Variants in BPIFB1 observed in about 807,000 individuals in gnomAD.
BPIFB1 encodes the protein BPI fold-containing family B member 1.
Under a neutral mutation model 55.1 loss-of-function variants are expected in BPIFB1, and 34 were observed. The observed-to-expected ratio is 0.62, with a 90% CI of 0.47 to 0.82. The LOEUF is 0.82. BPIFB1 is among the 40% of genes least tolerant of loss of function. BPIFB1 has a pLI of 0.00. For missense variants in BPIFB1, 532 were observed against 593.1 expected, an observed-to-expected ratio of 0.90 and a Z score of 1.07; for synonymous variants, 236 against 245.3, an observed-to-expected ratio of 0.96 and a Z score of 0.35.
intron 4 of BPIFB1, 28 bp downstream of exon 4, chr20:33,290,020 A>AG: frequency 4.6e-6 from 7 of 1,532,448 alleles, no homozygotes; most frequent in Non-Finnish European, 5.4e-6. Flanking sequence ...CAAGTACAGT[A>AG]GGCTTGACAG....
At position 33,308,691 on chromosome 20, in the gene BPIFB1, TACAC is replaced by T. The variant is rs34496861; in HGVS notation, c.1396-1008_1396-1005del. On this transcript the variant is annotated intron_variant, in intron 15 of 15. Coordinates refer to ENST00000253354, the MANE Select transcript of BPIFB1 (RefSeq NM_033197.3). ...ACACATACACCTTTATACACATACATACACACACACACCTTTATACACCTATACA... is the reference window on the plus strand; with the variant it reads ...ACACATACACCTTTATACACATACATACACACACCTTTATACACCTATACA... 2.1e-4 allele frequency among the ~76,000 whole-genome samples: 30 copies of T among 144,862 alleles called. 1 individual carries two copies. Among genetic ancestry groups the T allele is most frequent in the African/African-American group, 6.4e-4 (24 of 37,500 alleles).
At chr20:33,299,245 G>A (rs1443423241) in intron 7 of BPIFB1, 2 of 449,648 alleles carry the variant, frequency 4.4e-6, no homozygotes, top group East Asian at 7.0e-5. Flanking sequence ...GCCGGTCCCT[G>A]GCCCTCCAGC....
chr20:33,305,316 CTTTTT>C (rs34490442), intron 13 of BPIFB1, among the ~76,000 whole-genome samples: 2 of 106,204 alleles, frequency 1.9e-5, no homozygotes, highest in Admixed American at 1.1e-4. Context: ...CTATTTTTGA[CTTTTT>C]TTTTTTTTTT....
At chr20:33,292,319 C>T (rs1980500745) in intron 6 of BPIFB1, among the ~76,000 whole-genome samples, 1 of 152,172 alleles carries the variant, frequency 6.6e-6, no homozygotes, top group South Asian at 2.1e-4. Context: ...ATACTCCCTT[C>T]AGGGCCAATT....
intron 3 of BPIFB1, 148 bp from the exon 4 acceptor site, chr20:33,289,737 G>T: frequency 1.5e-6 from 1 of 678,008 alleles, no homozygotes. Flanking sequence ...AGGGATGGAG[G>T]CAAGACCATC....
chr20:33,287,749 T>G (rs189336863), intron 2 of BPIFB1, among the ~76,000 whole-genome samples: 2 of 152,242 alleles, frequency 1.3e-5, no homozygotes, highest in East Asian at 3.9e-4. Flanking sequence ...GGGCTGCTGT[T>G]AACTCACGGG....
intron 3 of BPIFB1, among the ~76,000 whole-genome samples, 171 bp downstream of exon 3, chr20:33,289,053 C>T (rs1370641983): frequency 6.6e-6 from 1 of 152,140 alleles, no homozygotes; most frequent in African/African-American, 2.4e-5. Context: ...TAACAAGAAC[C>T]ATAAGACAGT....
rs61737874 is a variant in BPIFB1 at position 33,291,016 on chromosome 20, G to T, written c.425G>T (p.Arg142Leu). ...ACGACTGAGGCCCAAGCCACCATCC[G>T]CATGGACACCAGTGCAAGTGGCCCC... ...HMTTEAQATIRMDTSASGPTR... is the reference protein window; with the variant it reads ...HMTTEAQATILMDTSASGPTR... Residue 142 changes from arginine to leucine, a missense_variant, in exon 5 of 16, where the codon CGC (arginine) becomes CTC (leucine). By Grantham distance (102) the Arg-to-Leu change is moderately radical. Transcript: ENST00000253354. The T allele has an allele frequency of 1.1e-4, 171 of 1,613,886 alleles. No homozygotes were observed. The African/African-American group carries it at 1.7e-3, about 16-fold the overall frequency.
Position 33,302,945 on chromosome 20 carries a change from C to A in BPIFB1, c.1011C>A (p.Ile337=). 3.7e-6 allele frequency: 6 copies of A among 1,614,124 alleles called. No homozygotes were observed. Among genetic ancestry groups the A allele is most frequent in the Non-Finnish European group, 5.1e-6 (6 of 1,180,002 alleles). ...CAGATAAGCTGGGATCTACCCAGAT[C>A]GTGAAGATCCTAACTCAGGACACTC... ...KAADKLGSTQ[I]VKILTQDTPE... The change falls in exon 11 of 16, where the codon ATC becomes ATA. Residue 337 remains isoleucine (I), a synonymous_variant. Transcript: ENST00000253354.
rs1600666276 is a variant in BPIFB1, at chr20:33,297,559, T to C, written c.632T>C (p.Met211Thr). 1 of 1,614,210 alleles carries C rather than the reference T, an allele frequency of 6.2e-7. No homozygotes were observed. The highest frequency in any genetic ancestry group is 8.5e-7 in the Non-Finnish European group (1 of 1,180,030). Reference protein sequence around the residue: ...CPVIEASFNGMYADLLQLVKV... With the variant: ...CPVIEASFNGTYADLLQLVKV... ...GTGATCGAGGCTTCCTTCAATGGCA[T>C]GTATGCAGACCTCCTGCAGCTGGTG... The change falls in exon 7 of 16, where the codon ATG (methionine) becomes ACG (threonine). Residue 211 changes from methionine to threonine, a missense_variant. Coordinates refer to ENST00000253354, the MANE Select transcript of BPIFB1 (RefSeq NM_033197.3).
In BPIFB1 at chr20:33,292,607, A is replaced by G. The variant is rs1435279621; in HGVS notation, c.597+619A>G. 3.9e-5 allele frequency among the ~76,000 whole-genome samples: 6 copies of G among 152,376 alleles called. No homozygotes were observed. The East Asian group carries it at 1.2e-3, about 29-fold the overall frequency. ...TGTGGAAATTTAACAATTGGTTCTC[A>G]AAAGCTAGTACAAGCTGGCTCTAGC... is the stretch of plus-strand genomic sequence containing the variant. On this transcript the variant is annotated intron_variant, in intron 6 of 15. Transcript: ENST00000253354.
At chr20:33,287,586 A>C (rs1980310158) in intron 2 of BPIFB1, among the ~76,000 whole-genome samples, 1 of 152,186 alleles carries the variant, frequency 6.6e-6, no homozygotes. Flanking sequence ...CTCTTTGTAG[A>C]GGGTGTGGTT....
intron 6 of BPIFB1, among the ~76,000 whole-genome samples, chr20:33,295,623 G>A (rs13043366): frequency 0.039 from 5,176 of 133,884 alleles, 121 homozygotes; most frequent in Non-Finnish European, 0.053. Flanking sequence ...AGTGAGACTC[G>A]AAAGAAGAAA....
intron 6 of BPIFB1, among the ~76,000 whole-genome samples, chr20:33,297,138 C>T: frequency 6.6e-6 from 1 of 152,214 alleles, no homozygotes; most frequent in East Asian, 1.9e-4. Flanking sequence ...CCAGGCTGGT[C>T]TCAAACTCCT....
In BPIFB1 at chr20:33,299,982, G is replaced by C; in HGVS notation, c.745G>C (p.Gly249Arg). The change falls in exon 8 of 16, where the codon GGG becomes CGG. Residue 249 changes from glycine (G) to arginine (R), a missense_variant and splice_region_variant. Physicochemically the swap from Gly to Arg is moderately radical, Grantham distance 125. Coordinates refer to ENST00000253354, the MANE Select transcript of BPIFB1 (RefSeq NM_033197.3). The part of the protein sequence containing the change: ...IKGDTIQLYL[G>R]AKLLDSQGKV... ...GGGTGACACCATTCAGCTCTACCTG[G>C]GGGTGAGTGTCCCAGGACCTTGAGG... 1 of 1,613,854 alleles carries C rather than the reference G, an allele frequency of 6.2e-7. No homozygotes were observed. Among genetic ancestry groups the C allele is most frequent in the Non-Finnish European group, 8.5e-7 (1 of 1,179,762 alleles).
intron 7 of BPIFB1, chr20:33,299,133 C>T (rs144385290): frequency 2.2e-6 from 1 of 456,704 alleles, no homozygotes; most frequent in East Asian, 6.9e-5. Context: ...GATTCAGACG[C>T]GAGAAGAGAC....
rs570500107 is a variant in BPIFB1 at position 33,300,061 on chromosome 20, G to A, written c.747+77G>A. The A allele has an allele frequency of 1.3e-3, 1,715 of 1,300,728 alleles. 5 individuals are homozygous for A. Among genetic ancestry groups the A allele is most frequent in the Non-Finnish European group, 1.8e-3 (1,643 of 899,228 alleles). 80.6% of individuals were successfully genotyped at this position (1,300,728 alleles called of 1,614,324 possible). A position where few individuals can be genotyped will look rare whatever the true frequency, so the allele number is the denominator to read the frequency against. On this transcript the variant is annotated intron_variant, in intron 8 of 15. Coordinates refer to ENST00000253354, the MANE Select transcript of BPIFB1 (RefSeq NM_033197.3). ...TGACCACCAGGAGTCAGATAGCATG[G>A]GCCTGTGTTAGGAGAGAAAATCCTG...
intron 3 of BPIFB1, among the ~76,000 whole-genome samples, chr20:33,289,409 C>G (rs6059236): frequency 7.5e-6 from 1 of 133,020 alleles, no homozygotes; most frequent in African/African-American, 2.8e-5. Flanking sequence ...AAAAAAAAAA[C>G]AACCCAGAGC....
chr20:33,293,976 A>T (rs974436730), intron 6 of BPIFB1, among the ~76,000 whole-genome samples: 74 of 152,212 alleles, frequency 4.9e-4, no homozygotes, highest in African/African-American at 1.7e-3. Context: ...ATACAGTAAA[A>T]CATTTAATCT....
Sources: gnomAD v4.1 joint callset for allele counts (sites outside exome capture counted in the v4.1 genomes callset) on GRCh38, gnomAD v4.1.1 for gene constraint, MANE v1.5 for transcripts, NCBI Gene and HGNC (gene_info 2026-07-23, HGNC 2026-07-21) for gene names.